Variants in COL25A1 observed in about 807,000 individuals in gnomAD.
The protein encoded by COL25A1 is collagen alpha-1(XXV) chain.
In COL25A1, 103 loss-of-function variants were observed where a neutral mutation model predicts 128.4. The ratio of observed to expected loss-of-function variants is 0.80; its 90% CI spans 0.68 to 0.94. The LOEUF (loss-of-function observed/expected upper bound fraction) is 0.94, where lower values mean the gene tolerates loss of function less well. COL25A1 is among the 40% of genes least tolerant of loss of function. The pLI, the probability that COL25A1 is intolerant of heterozygous loss-of-function variation, is 0.00. For missense variants in COL25A1, 745 were observed against 840.0 expected, an observed-to-expected ratio of 0.89 and a Z score of 1.40; for synonymous variants, 279 against 277.2, an observed-to-expected ratio of 1.01 and a Z score of -0.06.
In COL25A1 at chr4:108,884,188, G is replaced by A. The variant is rs758735348; in HGVS notation, c.1010C>T (p.Pro337Leu). 21 of 1,613,470 alleles carry A rather than the reference G, an allele frequency of 1.3e-5. No homozygotes were observed. The highest frequency in any genetic ancestry group is 3.3e-4 in the Middle Eastern group (2 of 6,084). The change falls in exon 19 of 38, where the codon CCG (proline) becomes CTG (leucine). Residue 337 changes from proline to leucine, a missense_variant. Around this residue, in one of 3 missense-constraint regions of COL25A1, gnomAD observed 387 missense variants for 441.9 expected, o/e 0.88. Coordinates refer to ENST00000399132, the MANE Select transcript of COL25A1 (RefSeq NM_198721.4). The stretch of plus-strand genomic sequence containing the variant: ...CCGTGCAGTATTTACCTTTATCCCC[G>A]GAAGTCCAGGAAGCCCAGGAAGCCC... ...EPGLPGLPGL[P>L]GIKGEPGFIG...
Position 109,126,785 on chromosome 4 carries a change from C to A in COL25A1, c.368-76606G>T, listed in dbSNP as rs989264609. 4.0e-5 allele frequency among the ~76,000 whole-genome samples: 6 copies of A among 151,764 alleles called. No homozygotes were observed. The South Asian group carries it at 6.2e-4, about 16-fold the overall frequency. ...CAACTTTATGTTTTATATTAGATAA[C>A]CTGATAGCTTTTCATTTTGAAGACC... On this transcript the variant is annotated intron_variant, in intron 3 of 37. Coordinates refer to ENST00000399132, the MANE Select transcript of COL25A1 (RefSeq NM_198721.4).
chr4:108,997,448 C>T (rs1754894124), intron 6 of COL25A1, among the ~76,000 whole-genome samples: 1 of 152,144 alleles, frequency 6.6e-6, no homozygotes, highest in Non-Finnish European at 1.5e-5. Flanking sequence ...TCTGAATAGA[C>T]CAATAACAGG....
At chr4:109,254,479 A>ATG (rs1397724927) in intron 3 of COL25A1, among the ~76,000 whole-genome samples, 25 of 94,722 alleles carry the variant, frequency 2.6e-4, no homozygotes, top group Non-Finnish European at 4.3e-4. Flanking sequence ...TTATATATAT[A>ATG]TATATATATA....
At chr4:109,194,541 A>T (rs1474748328) in intron 3 of COL25A1, among the ~76,000 whole-genome samples, 2 of 151,814 alleles carry the variant, frequency 1.3e-5, no homozygotes, top group East Asian at 3.9e-4. Flanking sequence ...CATGGAGTAT[A>T]TAGAAGGAGT....
chr4:109,261,362 C>T lies in COL25A1; in HGVS notation c.367+39221G>A, dbSNP rs534618846. 4.6e-5 allele frequency among the ~76,000 whole-genome samples: 7 copies of T among 152,140 alleles called. No homozygotes were observed. In the East Asian group the frequency reaches 1.4e-3, roughly 30 times the overall value. On this transcript the variant is annotated intron_variant, in intron 3 of 37. Transcript: ENST00000399132. ...CGAAACCTCATCTCTACTAAAAATA[C>T]AAAAATTAGCCAGGTATGGTAGAGC...
Position 109,195,641 on chromosome 4 carries a change from T to G in COL25A1, c.367+104942A>C, listed in dbSNP as rs572123176. On this transcript the variant is annotated intron_variant, in intron 3 of 37. Transcript: ENST00000399132. Reference sequence around the variant, plus strand: ...GACTCACCGAAGTAAAGTCCACAACTCAGCCCTAAGACCTTACTAAAATGT... The same window carrying G: ...GACTCACCGAAGTAAAGTCCACAACGCAGCCCTAAGACCTTACTAAAATGT... Among the ~76,000 whole-genome samples the G allele has an allele frequency of 2.3e-3, 345 of 152,192 alleles. 1 individual carries two copies. The highest frequency in any genetic ancestry group is 7.6e-3 in the African/African-American group (317 of 41,534).
At chr4:109,170,535 G>A (rs17289656) in intron 3 of COL25A1, among the ~76,000 whole-genome samples, 2 of 152,194 alleles carry the variant, frequency 1.3e-5, no homozygotes, top group Middle Eastern at 3.4e-3. Context: ...TGGCTCCTGG[G>A]TAGAAAAGAA....
At chr4:109,239,726 T>C (rs1217611576) in intron 3 of COL25A1, among the ~76,000 whole-genome samples, 1 of 151,874 alleles carries the variant, frequency 6.6e-6, no homozygotes, top group Non-Finnish European at 1.5e-5. Flanking sequence ...ACTAAATTTA[T>C]TTTTTAAAAT....
chr4:109,057,158 C>T (rs1010465964), intron 3 of COL25A1, among the ~76,000 whole-genome samples: 3 of 152,136 alleles, frequency 2.0e-5, no homozygotes, highest in Admixed American at 6.6e-5. Context: ...TCGTCCCTGG[C>T]CTAGGAGAGT....
At chr4:109,148,069 C>T (rs12648090) in intron 3 of COL25A1, among the ~76,000 whole-genome samples, 95,735 of 151,820 alleles carry the variant, frequency 0.63, 30,669 homozygotes, top group East Asian at 0.75. Flanking sequence ...GGAGTGAAAA[C>T]TAAAGTGAAA....
chr4:109,262,766 T>C (rs1781538340), intron 3 of COL25A1, among the ~76,000 whole-genome samples: 1 of 152,130 alleles, frequency 6.6e-6, no homozygotes, highest in African/African-American at 2.4e-5. Context: ...CCAAAAATCA[T>C]ACAAAGTGGT....
chr4:109,224,029 CT>C lies in COL25A1; in HGVS notation c.367+76553del, dbSNP rs562399016. Among the ~76,000 whole-genome samples, 186 of 152,288 alleles carry C rather than the reference CT, an allele frequency of 1.2e-3. 1 individual carries two copies. The highest frequency in any genetic ancestry group is 4.3e-3 in the African/African-American group (178 of 41,580). On this transcript the variant is annotated intron_variant, in intron 3 of 37. Transcript: ENST00000399132. ...AGCTACACTGACATTTACTTCATTGCTTCAAATATGCTCTGAACTCCTGTCT... is the reference window on the plus strand; with the variant it reads ...AGCTACACTGACATTTACTTCATTGCTCAAATATGCTCTGAACTCCTGTCT...
chr4:108,886,496 A>T (rs1578660763), intron 18 of COL25A1, among the ~76,000 whole-genome samples: 7 of 63,344 alleles, frequency 1.1e-4, no homozygotes, highest in East Asian at 4.5e-3. Context: ...GTGTGTGTTT[A>T]GCTCATCAGC....
At chr4:108,835,111 G>T (rs1298108150) in intron 31 of COL25A1, among the ~76,000 whole-genome samples, 1 of 152,102 alleles carries the variant, frequency 6.6e-6, no homozygotes, top group Admixed American at 6.5e-5. Context: ...GCCTGATGGG[G>T]GAAATAACTT....
intron 5 of COL25A1, among the ~76,000 whole-genome samples, chr4:109,026,531 T>C (rs1421104096): frequency 6.6e-6 from 1 of 152,154 alleles, no homozygotes; most frequent in African/African-American, 2.4e-5. Flanking sequence ...TGTTTAAAGG[T>C]TCAGAGGCTG....
At chr4:108,949,263 T>C (rs76460979) in intron 8 of COL25A1, among the ~76,000 whole-genome samples, 5,865 of 152,262 alleles carry the variant, frequency 0.039, 348 homozygotes, top group African/African-American at 0.13. Flanking sequence ...TTCTTAATAA[T>C]AGTTAAAATA....
intron 19 of COL25A1, among the ~76,000 whole-genome samples, chr4:108,879,130 C>T (rs1485596506): frequency 6.6e-6 from 1 of 152,160 alleles, no homozygotes; most frequent in Admixed American, 6.5e-5. Flanking sequence ...AGAGTAAATG[C>T]TTCTGCCACC....
At chr4:109,124,543 T>C (rs189558114) in intron 3 of COL25A1, among the ~76,000 whole-genome samples, 29 of 151,292 alleles carry the variant, frequency 1.9e-4, no homozygotes, top group African/African-American at 7.1e-4. Flanking sequence ...AGAATTAAAA[T>C]TTTTTTTCCA....
chr4:109,269,075 C>T (rs998353532), intron 3 of COL25A1, among the ~76,000 whole-genome samples: 1 of 111,238 alleles, frequency 9.0e-6, no homozygotes, highest in Admixed American at 1.0e-4. Flanking sequence ...AATGCTATCC[C>T]TCCCCCCTCC....
Sources: allele counts gnomAD v4.1 joint callset (sites outside exome capture counted in the v4.1 genomes callset), GRCh38; gene constraint gnomAD v4.1.1; regional missense constraint gnomAD v4.1.1; transcripts MANE v1.5; gene names NCBI Gene and HGNC (gene_info 2026-07-23, HGNC 2026-07-21).